The following GRID2 variants were observed in gnomAD, a reference collection of about 807,000 sequenced individuals.
The protein encoded by GRID2 is glutamate receptor ionotropic, delta-2.
A neutral mutation model predicts 114.8 loss-of-function variants in GRID2; 33 were observed. The ratio of observed to expected loss-of-function variants is 0.29; its 90% CI spans 0.22 to 0.38. The LOEUF (loss-of-function observed/expected upper bound fraction) is 0.38, where lower values mean the gene tolerates loss of function less well. Ranked by LOEUF, GRID2 falls within the 10% of genes least tolerant of loss-of-function variation. The pLI is 1.00. For missense variants in GRID2, 1,184 were observed against 1,257.7 expected (o/e 0.94, Z 0.89); for synonymous variants, 505 against 449.9 (o/e 1.12, Z -1.55).
At chr4:93,177,372 G>A (rs1194999943) in intron 4 of GRID2, among the ~76,000 whole-genome samples, 1 of 151,972 alleles carries the variant, frequency 6.6e-6, no homozygotes, top group African/African-American at 2.4e-5. Context: ...TGCCATAGAT[G>A]AATCCTTTGA....
chr4:93,519,129 G>A (rs1730093732), intron 13 of GRID2, among the ~76,000 whole-genome samples: 1 of 152,126 alleles, frequency 6.6e-6, no homozygotes, highest in Admixed American at 6.6e-5. Flanking sequence ...ATTAAAGTTT[G>A]AGTTGTGCTA....
intron 1 of GRID2, among the ~76,000 whole-genome samples, chr4:92,526,974 T>C (rs1202440811): frequency 1.3e-5 from 2 of 152,118 alleles, no homozygotes; most frequent in Non-Finnish European, 2.9e-5. Flanking sequence ...AAAATGTTTT[T>C]ATCTTTAGAG....
chr4:92,375,598 T>G (rs1205221828), intron 1 of GRID2, among the ~76,000 whole-genome samples: 1 of 152,204 alleles, frequency 6.6e-6, no homozygotes, highest in Non-Finnish European at 1.5e-5. Flanking sequence ...AAGGAGAAAC[T>G]GTTTAATGCC....
At chr4:93,208,271 G>T (rs1743043566) in intron 5 of GRID2, among the ~76,000 whole-genome samples, 1 of 151,938 alleles carries the variant, frequency 6.6e-6, no homozygotes, top group South Asian at 2.1e-4. Flanking sequence ...TGGTTTTATA[G>T]TCAGCAAGAT....
chr4:92,508,286 C>T (rs897951547), intron 1 of GRID2, among the ~76,000 whole-genome samples: 29 of 152,026 alleles, frequency 1.9e-4, no homozygotes, highest in African/African-American at 7.0e-4. Context: ...CTTCTACATA[C>T]CACTCATACT....
chr4:93,031,496 A>T (rs2149258189), intron 2 of GRID2, among the ~76,000 whole-genome samples: 1 of 152,208 alleles, frequency 6.6e-6, no homozygotes, highest in South Asian at 2.1e-4. Context: ...TTCCCACCCA[A>T]ATCTCACGTT....
chr4:93,589,255 T>C (rs1188882963), intron 13 of GRID2, among the ~76,000 whole-genome samples: 8 of 140,632 alleles, frequency 5.7e-5, no homozygotes, highest in Admixed American at 2.3e-4. Flanking sequence ...CCTGTGTCCA[T>C]GTGATCTCAC....
chr4:93,158,436 G>A (rs1398394676), intron 4 of GRID2, among the ~76,000 whole-genome samples: 2 of 151,698 alleles, frequency 1.3e-5, no homozygotes, highest in Non-Finnish European at 3.0e-5. Context: ...TTAGTGTGAT[G>A]CTGGGGAAAG....
intron 1 of GRID2, among the ~76,000 whole-genome samples, chr4:92,547,992 C>A (rs932142845): frequency 3.9e-5 from 6 of 152,014 alleles, no homozygotes; most frequent in African/African-American, 1.4e-4. Context: ...AAAGAACTTA[C>A]AAGACCTGAA....
Position 92,857,447 on chromosome 4 carries a change from G to T in GRID2, c.245-227548G>T, listed in dbSNP as rs143902651. 5.9e-3 allele frequency among the ~76,000 whole-genome samples: 903 copies of T among 152,276 alleles called. 16 individuals are homozygous for T. Among genetic ancestry groups the T allele is most frequent in the African/African-American group, 0.021 (857 of 41,564 alleles). On this transcript the variant is annotated intron_variant, in intron 2 of 15. Coordinates refer to ENST00000282020, the MANE Select transcript of GRID2 (RefSeq NM_001510.4). ...GATGATAAAAAAGCAAAAGTGCCTTGTTGCTGATATAGAGAAAGTTTTAGT... is the reference window on the plus strand; with the variant it reads ...GATGATAAAAAAGCAAAAGTGCCTTTTTGCTGATATAGAGAAAGTTTTAGT...
intron 9 of GRID2, among the ~76,000 whole-genome samples, chr4:93,399,374 T>C (rs976871019): frequency 6.6e-6 from 1 of 152,144 alleles, no homozygotes; most frequent in Non-Finnish European, 1.5e-5. Flanking sequence ...TTTTATTGAC[T>C]TGAAAGAAAT....
chr4:93,502,074 T>TG (rs1165798178), intron 12 of GRID2, among the ~76,000 whole-genome samples: 2 of 152,070 alleles, frequency 1.3e-5, no homozygotes, highest in Non-Finnish European at 2.9e-5. Context: ...AGGACATAGT[T>TG]TGAGTACAGA....
chr4:92,390,718 T>C (rs2110259538), intron 1 of GRID2, among the ~76,000 whole-genome samples: 1 of 152,314 alleles, frequency 6.6e-6, no homozygotes, highest in East Asian at 1.9e-4. Flanking sequence ...ATGAGAGGAA[T>C]CTGAAGAGTT....
chr4:93,271,518 A>G lies in GRID2; in HGVS notation c.1245+33028A>G, dbSNP rs554877799. 7.2e-5 allele frequency among the ~76,000 whole-genome samples: 11 copies of G among 152,282 alleles called. No homozygotes were observed. In the South Asian group the frequency reaches 1.9e-3, roughly 26 times the overall value. ...GTCAACTATATTTTCCCAGCTGTAGATTTCCCACCTGCAAAAGGCCCAGAT... is the reference window on the plus strand; with the variant it reads ...GTCAACTATATTTTCCCAGCTGTAGGTTTCCCACCTGCAAAAGGCCCAGAT... On this transcript the variant is annotated intron_variant, in intron 8 of 15. Coordinates refer to ENST00000282020, the MANE Select transcript of GRID2 (RefSeq NM_001510.4).
intron 2 of GRID2, among the ~76,000 whole-genome samples, chr4:93,015,868 C>CAAACA (rs532409315): frequency 6.5e-4 from 99 of 151,858 alleles, no homozygotes; most frequent in African/African-American, 2.2e-3. Flanking sequence ...CTCAACCCCC[C>CAAACA]AAACAAAACA....
intron 2 of GRID2, among the ~76,000 whole-genome samples, chr4:92,708,911 C>A (rs1449725455): frequency 1.3e-5 from 2 of 152,052 alleles, no homozygotes; most frequent in African/African-American, 2.4e-5. Flanking sequence ...GAGTGAAACT[C>A]CGTCTCTAAA....
chr4:92,972,527 A>G (rs1753587481), intron 2 of GRID2, among the ~76,000 whole-genome samples: 1 of 152,086 alleles, frequency 6.6e-6, no homozygotes, highest in Non-Finnish European at 1.5e-5. Context: ...ATATAATTTA[A>G]GTGTACTATG....
intron 4 of GRID2, among the ~76,000 whole-genome samples, chr4:93,138,015 C>T (rs1025740578): frequency 1.5e-5 from 2 of 136,612 alleles, no homozygotes; most frequent in Non-Finnish European, 3.1e-5. Context: ...CTCTGTCACC[C>T]GGGATGGAGT....
At chr4:93,625,725 C>G (rs889286035) in intron 13 of GRID2, among the ~76,000 whole-genome samples, 3 of 152,034 alleles carry the variant, frequency 2.0e-5, no homozygotes, top group African/African-American at 7.2e-5. Context: ...ACCATCCTGG[C>G]TAACACGGTG....
Sources: gnomAD v4.1 joint callset for allele counts (sites outside exome capture counted in the v4.1 genomes callset) on GRCh38, gnomAD v4.1.1 for gene constraint, MANE v1.5 for transcripts, NCBI Gene and HGNC (gene_info 2026-07-23, HGNC 2026-07-21) for gene names.